C11orf97: variants seen among roughly 807,000 people sequenced by gnomAD.
The protein encoded by C11orf97 is chromosome 11 open reading frame 97.
A neutral mutation model predicts 16.2 loss-of-function variants in C11orf97; 15 were observed. That is an observed-to-expected ratio of 0.93 (90% CI 0.62 to 1.43). The LOEUF is 1.43. Ranked by LOEUF, C11orf97 falls within the 40% of genes most tolerant of loss-of-function variation. The pLI, the probability that C11orf97 is intolerant of heterozygous loss-of-function variation, is 0.00. For missense variants in C11orf97, 171 were observed against 161.2 expected, an observed-to-expected ratio of 1.06 and a Z score of -0.33; for synonymous variants, 61 against 65.7, an observed-to-expected ratio of 0.93 and a Z score of 0.34.
Position 94,517,747 on chromosome 11 carries a change from G to T in C11orf97, c.250+60G>T, listed in dbSNP as rs1447390921. ...ATGAATATGAAATTGCCTACTTGAT[G>T]ACAGAGTATTTTATTATAAAACCAT... On this transcript the variant is annotated intron_variant, in intron 2 of 3. Coordinates refer to ENST00000542198, the MANE Select transcript of C11orf97 (RefSeq NM_001190462.2). 5.3e-6 allele frequency: 6 copies of T among 1,134,092 alleles called. No individual in the cohort carries two copies. The African/African-American group carries it at 7.9e-5, about 15-fold the overall frequency. 70.3% of individuals were successfully genotyped at this position (1,134,092 alleles called of 1,614,324 possible).
At chr11:94,530,780 A>C (rs1324364587) in intron 3 of C11orf97, among the ~76,000 whole-genome samples, 1 of 152,210 alleles carries the variant, frequency 6.6e-6, no homozygotes, top group African/African-American at 2.4e-5. Flanking sequence ...ACCAAATGCA[A>C]ACAATAGAGG....
chr11:94,517,666 C>T lies in C11orf97; in HGVS notation c.229C>T (p.His77Tyr). The T allele has an allele frequency of 6.6e-7, 1 of 1,525,658 alleles. No individual in the cohort carries two copies. Among genetic ancestry groups the T allele is most frequent in the East Asian group, 2.5e-5 (1 of 40,518 alleles). The allele number at this position is 1,525,658 out of a possible 1,614,324, so 94.5% of individuals were successfully genotyped here. A position where few individuals can be genotyped will look rare whatever the true frequency, so the allele number is the denominator to read the frequency against. ...ACGTCATATTAAGAGAGATGAATGC[C>T]ACATTAAAAATCCAGCTGCAGGTAA... ...EERHIKRDEC[H>Y]IKNPAAVALE... The change falls in exon 2 of 4, where the codon CAC (histidine) becomes TAC (tyrosine). Residue 77 changes from histidine to tyrosine, a missense_variant. Coordinates refer to ENST00000542198, the MANE Select transcript of C11orf97 (RefSeq NM_001190462.2).
At chr11:94,522,248 C>A (rs1425549320) in intron 2 of C11orf97, among the ~76,000 whole-genome samples, 1 of 152,064 alleles carries the variant, frequency 6.6e-6, no homozygotes, top group Non-Finnish European at 1.5e-5. Context: ...AAAACTCACA[C>A]CTCTGGGCTG....
chr11:94,522,050 A>C (rs1237446211), intron 2 of C11orf97, among the ~76,000 whole-genome samples: 1 of 152,144 alleles, frequency 6.6e-6, no homozygotes, highest in Non-Finnish European at 1.5e-5. Context: ...ACATTCTCCG[A>C]ATCTTGATGT....
chr11:94,519,461 G>A (rs1318701655), intron 2 of C11orf97, among the ~76,000 whole-genome samples: 1 of 151,862 alleles, frequency 6.6e-6, no homozygotes, highest in African/African-American at 2.4e-5. Context: ...TTATATTCTG[G>A]ATTTATCTTC....
Position 94,512,675 on chromosome 11 carries a change from T to A in C11orf97, c.145+2T>A, listed in dbSNP as rs1947579055. 8.1e-7 allele frequency: 1 copy of A among 1,238,458 alleles called. No individual in the cohort carries two copies. The highest frequency in any genetic ancestry group is 3.7e-5 in the South Asian group (1 of 27,260). The allele number at this position is 1,238,458 out of a possible 1,614,324, so 76.7% of individuals were successfully genotyped here. ...GCCCCCTAGAGCACGGCCAGCAGTG[T>A]GAGTTCAGCTCCAGCCGCGGACGCT... On this transcript the variant is annotated splice_donor_variant, in intron 1 of 3. Transcript: ENST00000542198. LOFTEE classifies it high-confidence loss of function.
Position 94,517,583 on chromosome 11 carries a change from G to A in C11orf97, c.146G>A (p.Trp49Ter), listed in dbSNP as rs1474873207. ...GRGPLEHGQQ[W>*]KKFLYCEPHK... Reference sequence around the variant, plus strand: ...ATTGATTTTGTTAATGCCTTTATAGGGAAGAAATTTTTATATTGTGAGCCA... The same window carrying A: ...ATTGATTTTGTTAATGCCTTTATAGAGAAGAAATTTTTATATTGTGAGCCA... Residue 49 changes from tryptophan (W) to a stop codon, truncating the protein, a stop_gained and splice_region_variant, in exon 2 of 4, where the codon TGG becomes TAG. Coordinates refer to ENST00000542198, the MANE Select transcript of C11orf97 (RefSeq NM_001190462.2). LOFTEE classifies it high-confidence loss of function. 2 of 1,519,200 alleles carry A rather than the reference G, an allele frequency of 1.3e-6. No individual in the cohort carries two copies. Among genetic ancestry groups the A allele is most frequent in the Non-Finnish European group, 1.8e-6 (2 of 1,137,370 alleles). 94.1% of individuals were successfully genotyped at this position (1,519,200 alleles called of 1,614,324 possible).
At chr11:94,525,018 C>A (rs1025188082) in intron 2 of C11orf97, among the ~76,000 whole-genome samples, 3 of 148,976 alleles carry the variant, frequency 2.0e-5, no homozygotes, top group African/African-American at 7.4e-5. Flanking sequence ...GAGATCTCAC[C>A]ACTGCACTTC....
At chr11:94,517,932 G>A (rs1032368148) in intron 2 of C11orf97, among the ~76,000 whole-genome samples, 1 of 152,056 alleles carries the variant, frequency 6.6e-6, no homozygotes, top group East Asian at 1.9e-4. Context: ...GATGGATCAC[G>A]AGGTCAGGAG....
intron 3 of C11orf97, among the ~76,000 whole-genome samples, chr11:94,529,958 C>T (rs912137883): frequency 6.6e-6 from 1 of 152,164 alleles, no homozygotes; most frequent in African/African-American, 2.4e-5. Flanking sequence ...GTAGGTAATT[C>T]CATCATTCCA....
At chr11:94,524,862 C>T (rs939163765) in intron 2 of C11orf97, among the ~76,000 whole-genome samples, 1 of 152,004 alleles carries the variant, frequency 6.6e-6, no homozygotes, top group Non-Finnish European at 1.5e-5. Flanking sequence ...AGTTCAAAAC[C>T]AGCCCAGGCA....
intron 2 of C11orf97, among the ~76,000 whole-genome samples, chr11:94,527,089 T>C (rs1189315951): frequency 6.6e-6 from 1 of 152,198 alleles, no homozygotes; most frequent in East Asian, 1.9e-4. Context: ...ATTTCGAAAA[T>C]GAGGAAATTA....
intron 2 of C11orf97, among the ~76,000 whole-genome samples, chr11:94,527,259 G>A (rs1309579718): frequency 6.6e-6 from 1 of 152,204 alleles, no homozygotes; most frequent in Admixed American, 6.5e-5. Flanking sequence ...GAGGATGCCA[G>A]TGGGCAGCCT....
rs1236226748 is a variant in C11orf97 at position 94,512,586 on chromosome 11, G to A, written c.58G>A (p.Glu20Lys). Residue 20 changes from glutamate to lysine, a missense_variant, in exon 1 of 4, where the codon GAA (glutamate) becomes AAA (lysine). Glu to Lys is a moderately conservative substitution (Grantham distance 56). Coordinates refer to ENST00000542198, the MANE Select transcript of C11orf97 (RefSeq NM_001190462.2). The stretch of plus-strand genomic sequence containing the variant: ...AGTGGTGGCGCCCAAGGCGGGTCGC[G>A]AAGAGGAGCAGCCTCCTCCGCCAGC... ...TAVVAPKAGR[E>K]EEQPPPPAGL... The A allele has an allele frequency of 2.3e-6, 3 of 1,290,392 alleles. No homozygotes were observed. Among genetic ancestry groups the A allele is most frequent in the Non-Finnish European group, 9.8e-7 (1 of 1,019,090 alleles). 79.9% of individuals were successfully genotyped at this position (1,290,392 alleles called of 1,614,324 possible).
At chr11:94,517,897 C>A (rs534968759) in intron 2 of C11orf97, among the ~76,000 whole-genome samples, 1 of 152,158 alleles carries the variant, frequency 6.6e-6, no homozygotes, top group African/African-American at 2.4e-5. Context: ...CGCCTGTAAT[C>A]CCAGCACTTT....
rs144563323 is a variant in C11orf97 at position 94,521,873 on chromosome 11, G to A, written c.250+4186G>A. Among the ~76,000 whole-genome samples the A allele has an allele frequency of 4.9e-3, 750 of 152,292 alleles. 11 individuals carry two copies. The highest frequency in any genetic ancestry group is 5.0e-3 in the Non-Finnish European group (343 of 68,014). ...TGGTGACACGTTATGGCTAAATGCAGTGGATACTGTTCTGCCTCTAGGTGG... is the reference window on the plus strand; with the variant it reads ...TGGTGACACGTTATGGCTAAATGCAATGGATACTGTTCTGCCTCTAGGTGG... On this transcript the variant is annotated intron_variant, in intron 2 of 3. Coordinates refer to ENST00000542198, the MANE Select transcript of C11orf97 (RefSeq NM_001190462.2).
intron 1 of C11orf97, among the ~76,000 whole-genome samples, chr11:94,517,083 C>T (rs1204135311): frequency 6.6e-6 from 1 of 152,206 alleles, no homozygotes; most frequent in East Asian, 1.9e-4. Context: ...GGGAAAAGTG[C>T]TATGTCCATA....
At chr11:94,525,329 C>T (rs1947691559) in intron 2 of C11orf97, among the ~76,000 whole-genome samples, 1 of 152,162 alleles carries the variant, frequency 6.6e-6, no homozygotes, top group African/African-American at 2.4e-5. Context: ...CCTTACACAA[C>T]ACTTCCTTTT....
chr11:94,517,410 C>G (rs1407606255), intron 1 of C11orf97, among the ~76,000 whole-genome samples, 173 bp from the exon 2 acceptor site: 1 of 152,136 alleles, frequency 6.6e-6, no homozygotes, highest in African/African-American at 2.4e-5. Flanking sequence ...CCAAAAGAAC[C>G]TAAAGTTTCC....
Sources: allele counts gnomAD v4.1 joint callset (sites outside exome capture counted in the v4.1 genomes callset), GRCh38; gene constraint gnomAD v4.1.1; transcripts MANE v1.5; gene names NCBI Gene and HGNC (gene_info 2026-07-23, HGNC 2026-07-21).